The following FSTL5 variants were observed in gnomAD, a reference collection of about 807,000 sequenced individuals.
FSTL5 encodes the protein follistatin like 5, also known as follistatin-related protein 5.
In FSTL5, 62 loss-of-function variants were observed where a neutral mutation model predicts 89.1. The observed-to-expected ratio is 0.70, with a 90% CI of 0.57 to 0.86. FSTL5 has a LOEUF of 0.86. FSTL5 is among the 40% of genes least tolerant of loss of function. The pLI is 0.00. For missense variants in FSTL5, 1,057 were observed against 1,001.6 expected, an observed-to-expected ratio of 1.06 and a Z score of -0.75; for synonymous variants, 383 against 346.2, an observed-to-expected ratio of 1.11 and a Z score of -1.18.
chr4:161,389,473 A>G (rs994318580), intron 15 of FSTL5, among the ~76,000 whole-genome samples: 4 of 152,146 alleles, frequency 2.6e-5, no homozygotes, highest in African/African-American at 4.8e-5. Context: ...AGTTTATTAT[A>G]AAGTTCATAA....
rs369596459 is a variant in FSTL5, at chr4:161,613,641, C to T, written c.895-26066G>A. On this transcript the variant is annotated intron_variant, in intron 7 of 15. Coordinates refer to ENST00000306100, the MANE Select transcript of FSTL5 (RefSeq NM_020116.5). ...TCAAATATCATCCACCATAAGAAAA[C>T]ACTTGAGCGAACCCAAACAAAAAAG... Among the ~76,000 whole-genome samples, 10 of 152,160 alleles carry T rather than the reference C, an allele frequency of 6.6e-5. No homozygotes were observed. The South Asian group carries it at 2.1e-3, about 32-fold the overall frequency.
At chr4:162,145,510 A>G (rs1281302388) in intron 1 of FSTL5, among the ~76,000 whole-genome samples, 1 of 152,100 alleles carries the variant, frequency 6.6e-6, no homozygotes, top group Non-Finnish European at 1.5e-5. Flanking sequence ...TGGCAAGGAA[A>G]AGTCTTTCCA....
chr4:161,515,039 G>C (rs573998053), intron 10 of FSTL5, among the ~76,000 whole-genome samples: 17 of 152,074 alleles, frequency 1.1e-4, no homozygotes, highest in African/African-American at 4.1e-4. Flanking sequence ...TGAATACTAT[G>C]TAGATAAAAT....
chr4:161,825,566 G>A (rs1239240700), intron 4 of FSTL5, among the ~76,000 whole-genome samples: 1 of 151,952 alleles, frequency 6.6e-6, no homozygotes, highest in Non-Finnish European at 1.5e-5. Context: ...TAATATTGCT[G>A]ATTGTTATTT....
chr4:161,977,639 A>AAAAAAAAAAATAAT (rs1553988132), intron 3 of FSTL5, among the ~76,000 whole-genome samples: 2 of 101,242 alleles, frequency 2.0e-5, no homozygotes, highest in African/African-American at 8.2e-5. Flanking sequence ...AAAAAAAAAA[A>AAAAAAAAAAATAAT]AATAATAATA....
intron 8 of FSTL5, among the ~76,000 whole-genome samples, chr4:161,566,146 A>G (rs1175687674): frequency 7.1e-6 from 1 of 140,532 alleles, no homozygotes; most frequent in Non-Finnish European, 1.5e-5. Flanking sequence ...ACACACACAC[A>G]CACACACACC....
At chr4:161,674,008 G>A (rs905770352) in intron 6 of FSTL5, among the ~76,000 whole-genome samples, 5 of 151,846 alleles carry the variant, frequency 3.3e-5, no homozygotes, top group Non-Finnish European at 1.5e-5. Flanking sequence ...TTGTTAATAA[G>A]AGTGACTTTA....
intron 7 of FSTL5, among the ~76,000 whole-genome samples, chr4:161,591,554 T>C (rs1733822753): frequency 6.6e-6 from 1 of 152,152 alleles, no homozygotes. Flanking sequence ...TAAAACTATA[T>C]ATATTCTTAG....
intron 6 of FSTL5, among the ~76,000 whole-genome samples, chr4:161,692,765 C>G (rs1336843213): frequency 6.6e-6 from 1 of 152,054 alleles, no homozygotes; most frequent in African/African-American, 2.4e-5. Flanking sequence ...TGCTCTGTCT[C>G]CAGGGTGGAG....
At chr4:161,777,260 T>C (rs75395275) in intron 4 of FSTL5, among the ~76,000 whole-genome samples, 158 of 149,520 alleles carry the variant, frequency 1.1e-3, no homozygotes, top group Middle Eastern at 3.6e-3. Context: ...TATATATATA[T>C]ACACACACCA....
At chr4:162,035,520 TG>T (rs1314602092) in intron 2 of FSTL5, 1 of 152,022 alleles carries the variant, frequency 6.6e-6, no homozygotes, top group Admixed American at 6.6e-5. Flanking sequence ...AGGAGATCAC[TG>T]TGTGTGGACT....
rs959961503 is a variant in FSTL5, at chr4:161,562,285, C to A, written c.1016-19592G>T. Among the ~76,000 whole-genome samples the A allele has an allele frequency of 3.3e-5, 5 of 151,966 alleles. No homozygotes were observed. In the East Asian group the frequency reaches 9.7e-4, roughly 29 times the overall value. On this transcript the variant is annotated intron_variant, in intron 8 of 15. Coordinates refer to ENST00000306100, the MANE Select transcript of FSTL5 (RefSeq NM_020116.5). ...GTGTGAGTTCCCCAGGTTTGTTCTT[C>A]ACACGCAGGATGATTTTGACAATTC...
intron 2 of FSTL5, among the ~76,000 whole-genome samples, chr4:162,057,682 G>A (rs1738589955): frequency 6.6e-6 from 1 of 152,110 alleles, no homozygotes; most frequent in South Asian, 2.1e-4. Context: ...GGTGGCTAAT[G>A]CCTGTAATCC....
chr4:161,747,899 A>G (rs1190608965), intron 6 of FSTL5, among the ~76,000 whole-genome samples: 1 of 152,182 alleles, frequency 6.6e-6, no homozygotes, highest in African/African-American at 2.4e-5. Flanking sequence ...TATATTGGAA[A>G]TTTAACATAA....
chr4:161,532,210 AAAAG>A (rs1405871080), intron 10 of FSTL5, among the ~76,000 whole-genome samples: 1 of 152,150 alleles, frequency 6.6e-6, no homozygotes, highest in African/African-American at 2.4e-5. Context: ...CAAAAAAAAA[AAAAG>A]AAATTATTTT....
chr4:161,430,672 G>A (rs776233579), intron 15 of FSTL5, among the ~76,000 whole-genome samples: 21 of 152,146 alleles, frequency 1.4e-4, no homozygotes, highest in Non-Finnish European at 2.2e-4. Flanking sequence ...CCCGGGAGGC[G>A]GAGCTTGCAG....
At chr4:162,074,469 G>A (rs1226860749) in intron 2 of FSTL5, among the ~76,000 whole-genome samples, 1 of 151,420 alleles carries the variant, frequency 6.6e-6, no homozygotes, top group Non-Finnish European at 1.5e-5. Flanking sequence ...ACGTATCAAG[G>A]ATTTAATCAT....
In FSTL5 at chr4:161,528,963, ATC is replaced by A. The variant is rs1731322525; in HGVS notation, c.1312+9201_1312+9202del. Among the ~76,000 whole-genome samples, 2 of 143,066 alleles carry A rather than the reference ATC, an allele frequency of 1.4e-5. 1 individual carries two copies. The highest frequency in any genetic ancestry group is 5.0e-5 in the African/African-American group (2 of 39,984). 93.9% of individuals were successfully genotyped at this position (143,066 alleles called of 152,430 possible). A position where few individuals can be genotyped will look rare whatever the true frequency, so the allele number is the denominator to read the frequency against. Reference sequence around the variant, plus strand: ...AAAGTCATATAAATAAAATTTCATCATCATCATCAACTTATCCTAAAATAAAT... The same window carrying A: ...AAAGTCATATAAATAAAATTTCATCAATCATCAACTTATCCTAAAATAAAT... On this transcript the variant is annotated intron_variant, in intron 10 of 15. Transcript: ENST00000306100.
intron 2 of FSTL5, among the ~76,000 whole-genome samples, chr4:162,049,580 AC>A (rs1260715037): frequency 6.6e-6 from 1 of 152,106 alleles, no homozygotes; most frequent in Non-Finnish European, 1.5e-5. Flanking sequence ...TTGGTTCTCA[AC>A]CCTGTAGTCT....
Sources: gnomAD v4.1 joint callset for allele counts (sites outside exome capture counted in the v4.1 genomes callset) on GRCh38, gnomAD v4.1.1 for gene constraint, MANE v1.5 for transcripts, NCBI Gene and HGNC (gene_info 2026-07-23, HGNC 2026-07-21) for gene names.